TAF3: variants seen among roughly 807,000 people sequenced by gnomAD.
TAF3 encodes TATA-box binding protein associated factor 3.
A neutral mutation model predicts 80.6 loss-of-function variants in TAF3; 7 were observed. The observed-to-expected ratio is 0.09, with a 90% CI of 0.05 to 0.16. The LOEUF is 0.16. TAF3 is among the 10% of genes least tolerant of loss of function. The pLI, the probability that TAF3 is intolerant of heterozygous loss-of-function variation, is 1.00. For missense variants in TAF3, 921 were observed against 1,140.2 expected (o/e 0.81, Z 2.77); for synonymous variants, 444 against 446.1 (o/e 1.00, Z 0.06).
At chr10:7,841,357 C>T (rs1163957006) in intron 2 of TAF3, among the ~76,000 whole-genome samples, 1 of 152,184 alleles carries the variant, frequency 6.6e-6, no homozygotes, top group African/African-American at 2.4e-5. Flanking sequence ...AGGTCCTTCC[C>T]TGCTTTCCTA....
At chr10:8,005,984 G>A (rs972389849) in intron 4 of TAF3, among the ~76,000 whole-genome samples, 1 of 152,088 alleles carries the variant, frequency 6.6e-6, no homozygotes, top group African/African-American at 2.4e-5. Context: ...TCTGTGCCTT[G>A]GTTTCTTCGT....
At chr10:7,947,066 CT>C (rs1189892057) in intron 2 of TAF3, among the ~76,000 whole-genome samples, 1 of 152,168 alleles carries the variant, frequency 6.6e-6, no homozygotes, top group Non-Finnish European at 1.5e-5. Flanking sequence ...CTGGCCACAA[CT>C]TTTCTTTCTT....
At chr10:8,003,701 C>T (rs1374000046) in intron 4 of TAF3, among the ~76,000 whole-genome samples, 1 of 152,166 alleles carries the variant, frequency 6.6e-6, no homozygotes, top group African/African-American at 2.4e-5. Flanking sequence ...ATACTCCTCC[C>T]TTCTCTAGTT....
intron 4 of TAF3, among the ~76,000 whole-genome samples, chr10:7,995,086 C>T (rs984555110): frequency 6.6e-6 from 1 of 151,088 alleles, no homozygotes; most frequent in Admixed American, 6.6e-5. Flanking sequence ...AGTAATAGTA[C>T]CACTATCACT....
intron 2 of TAF3, among the ~76,000 whole-genome samples, chr10:7,957,808 T>G (rs1406506149): frequency 6.6e-6 from 1 of 151,506 alleles, no homozygotes; most frequent in Non-Finnish European, 1.5e-5. Flanking sequence ...TCTCTCTCTC[T>G]CTCTCTCTCT....
chr10:7,985,780 C>CTTTTT (rs71477297), intron 4 of TAF3, among the ~76,000 whole-genome samples: 4 of 107,982 alleles, frequency 3.7e-5, no homozygotes, highest in Non-Finnish European at 3.8e-5. Context: ...TTCTCTCTCT[C>CTTTTT]TTTTTTTTTT....
At chr10:7,830,101 C>A (rs1351345973) in intron 2 of TAF3, among the ~76,000 whole-genome samples, 1 of 152,040 alleles carries the variant, frequency 6.6e-6, no homozygotes, top group Non-Finnish European at 1.5e-5. Context: ...TCCCGTGTGA[C>A]CTTTTGCACT....
chr10:7,934,140 T>A (rs1332531950), intron 2 of TAF3, among the ~76,000 whole-genome samples: 1 of 152,216 alleles, frequency 6.6e-6, no homozygotes, highest in East Asian at 1.9e-4. Context: ...TCGGAAGAAT[T>A]AGAAACTGAA....
chr10:7,912,357 C>G (rs150958523), intron 2 of TAF3, among the ~76,000 whole-genome samples: 8 of 152,102 alleles, frequency 5.3e-5, no homozygotes, highest in Non-Finnish European at 1.2e-4. Flanking sequence ...GCGTTGGCCC[C>G]GCAAAGCGCT....
At chr10:7,864,317 A>G (rs1294190708) in intron 2 of TAF3, among the ~76,000 whole-genome samples, 3 of 152,182 alleles carry the variant, frequency 2.0e-5, no homozygotes, top group African/African-American at 7.2e-5. Flanking sequence ...AAATTAATTG[A>G]CAGATATCAT....
At chr10:7,843,354 C>G (rs1836937966) in intron 2 of TAF3, among the ~76,000 whole-genome samples, 1 of 151,978 alleles carries the variant, frequency 6.6e-6, no homozygotes, top group South Asian at 2.1e-4. Context: ...AGCGATCCTC[C>G]CCACTCAGCC....
At chr10:7,941,274 C>G (rs1013585144) in intron 2 of TAF3, among the ~76,000 whole-genome samples, 85 of 152,288 alleles carry the variant, frequency 5.6e-4, no homozygotes, top group African/African-American at 1.9e-3. Flanking sequence ...TATTTCTTTA[C>G]TGTTTGGCAT....
intron 4 of TAF3, among the ~76,000 whole-genome samples, chr10:8,000,828 T>C (rs1221090735): frequency 1.3e-5 from 2 of 152,174 alleles, no homozygotes; most frequent in African/African-American, 4.8e-5. Context: ...GTAAAGGCAA[T>C]TGCTGGACAT....
intron 2 of TAF3, among the ~76,000 whole-genome samples, chr10:7,854,785 C>T (rs1050757432): frequency 3.3e-5 from 5 of 152,066 alleles, no homozygotes; most frequent in Admixed American, 2.6e-4. Flanking sequence ...CAGATCCATA[C>T]GTAGATCAGT....
chr10:7,879,020 G>A (rs75148279), intron 2 of TAF3, among the ~76,000 whole-genome samples: 409 of 152,184 alleles, frequency 2.7e-3, no homozygotes, highest in African/African-American at 9.1e-3. Context: ...AAGTCACCGC[G>A]CCTGGCAAAT....
chr10:7,943,021 G>A (rs926190912), intron 2 of TAF3, among the ~76,000 whole-genome samples: 17 of 152,270 alleles, frequency 1.1e-4, no homozygotes, highest in African/African-American at 4.1e-4. Context: ...TACAGTTGCC[G>A]TCCAGTCCAG....
intron 2 of TAF3, among the ~76,000 whole-genome samples, chr10:7,925,349 C>T (rs529154324): frequency 6.6e-6 from 1 of 152,322 alleles, no homozygotes; most frequent in African/African-American, 2.4e-5. Flanking sequence ...CTTGGCTTTG[C>T]ACTCACCTTG....
chr10:7,896,213 TAATAA>T (rs1310292883), intron 2 of TAF3, among the ~76,000 whole-genome samples: 4 of 152,226 alleles, frequency 2.6e-5, no homozygotes, highest in Non-Finnish European at 5.9e-5. Flanking sequence ...TTCAGTTTTC[TAATAA>T]AATAATAACC....
In TAF3 at chr10:7,965,511, C is replaced by G; in HGVS notation, c.2001C>G (p.Ser667Arg). 6.2e-7 allele frequency: 1 copy of G among 1,603,330 alleles called. No homozygotes were observed. Among genetic ancestry groups the G allele is most frequent in the African/African-American group, 1.3e-5 (1 of 74,266 alleles). ...AAGAGTTGGCCCTGCCCTTGTTCAG[C>G]CCTGCCACAGCCTCCAGGGTCCCAG... ...PPKELALPLF[S>R]PATASRVPAM... Residue 667 changes from serine (S) to arginine (R), a missense_variant, in exon 3 of 7, where the codon AGC becomes AGG. Physicochemically the swap from Ser to Arg is moderately radical, Grantham distance 110 (BLOSUM62 -1). This residue lies in a region of TAF3 where 743 missense variants were observed against 821.0 expected (regional missense o/e 0.90). Transcript: ENST00000344293.
Sources: allele counts gnomAD v4.1 joint callset (sites outside exome capture counted in the v4.1 genomes callset), GRCh38; gene constraint gnomAD v4.1.1; regional missense constraint gnomAD v4.1.1; transcripts MANE v1.5; gene names NCBI Gene and HGNC (gene_info 2026-07-23, HGNC 2026-07-21).